IGF1R: variants seen among roughly 807,000 people sequenced by gnomAD.
IGF1R encodes the protein insulin like growth factor 1 receptor, also known as insulin-like growth factor 1 receptor.
A neutral mutation model predicts 144.6 loss-of-function variants in IGF1R; 44 were observed. The ratio of observed to expected loss-of-function variants is 0.30; its 90% confidence interval spans 0.24 to 0.39. The LOEUF is 0.39. Among genes scored for constraint, IGF1R ranks in the 10% least tolerant of loss-of-function variants. IGF1R has a pLI of 1.00. For synonymous variants in IGF1R, 795 were observed against 722.8 expected, an observed-to-expected ratio of 1.10 and a Z score of -1.60; for missense variants, 1,355 against 1,833.7, an observed-to-expected ratio of 0.74 and a Z score of 4.77.
chr15:98,750,734 A>G (rs912668279), intron 2 of IGF1R, among the ~76,000 whole-genome samples: 1 of 152,208 alleles, frequency 6.6e-6, no homozygotes, highest in Non-Finnish European at 1.5e-5. Context: ...AAAACTCAGA[A>G]AAGTAGCCAC....
rs553503567 is a variant in IGF1R at position 98,886,163 on chromosome 15, A to T, written c.641-5162A>T. Among the ~76,000 whole-genome samples, 33 of 149,920 alleles carry T rather than the reference A, an allele frequency of 2.2e-4. No homozygotes were observed. The South Asian group carries it at 5.3e-3, about 24-fold the overall frequency. ...GGTTTCTCTGCACTAATGATTATTT[A>T]AAAAAAAAACTCTGGCAAGAACAAA... is the stretch of plus-strand genomic sequence containing the variant. On this transcript the variant is annotated intron_variant, in intron 2 of 20. Transcript: ENST00000650285.
intron 2 of IGF1R, among the ~76,000 whole-genome samples, chr15:98,763,537 C>CA (rs2055359948): frequency 6.6e-6 from 1 of 151,946 alleles, no homozygotes; most frequent in African/African-American, 2.4e-5. Context: ...TTCACCTCCC[C>CA]ACCCATCTCT....
chr15:98,714,176 A>C (rs903328640), intron 2 of IGF1R, among the ~76,000 whole-genome samples: 1 of 109,494 alleles, frequency 9.1e-6, no homozygotes, highest in African/African-American at 7.7e-5. Flanking sequence ...GGTTGTAGTA[A>C]AAAAAAAAAA....
At chr15:98,840,984 C>G (rs1387440507) in intron 2 of IGF1R, among the ~76,000 whole-genome samples, 10 of 152,150 alleles carry the variant, frequency 6.6e-5, no homozygotes, top group Non-Finnish European at 1.3e-4. Flanking sequence ...CCTGGCCGTC[C>G]AGGCTGGTCT....
chr15:98,833,043 T>C (rs747159619), intron 2 of IGF1R, among the ~76,000 whole-genome samples: 3 of 152,238 alleles, frequency 2.0e-5, no homozygotes, highest in Non-Finnish European at 4.4e-5. Flanking sequence ...TGGTGAGGAC[T>C]ACATTATGGG....
chr15:98,702,677 C>A (rs1473427232), intron 1 of IGF1R, among the ~76,000 whole-genome samples: 2 of 152,146 alleles, frequency 1.3e-5, no homozygotes, highest in African/African-American at 4.8e-5. Context: ...TGGTGGTAAT[C>A]CCAGCACTTC....
intron 2 of IGF1R, among the ~76,000 whole-genome samples, chr15:98,819,150 A>G (rs1197294446): frequency 6.6e-6 from 1 of 151,812 alleles, no homozygotes; most frequent in East Asian, 1.9e-4. Context: ...GGAGTTGAAC[A>G]CAGCAGTGTA....
At chr15:98,690,975 T>C (rs906361124) in intron 1 of IGF1R, among the ~76,000 whole-genome samples, 1 of 152,228 alleles carries the variant, frequency 6.6e-6, no homozygotes, top group South Asian at 2.1e-4. Context: ...ACTTTTTCTT[T>C]TAGAATAGTT....
At chr15:98,660,101 G>A (rs532549490) in intron 1 of IGF1R, 3 of 152,320 alleles carry the variant, frequency 2.0e-5, no homozygotes, top group South Asian at 2.1e-4. Context: ...GTTTCCCCAT[G>A]ATTGCCTTTT....
intron 2 of IGF1R, among the ~76,000 whole-genome samples, chr15:98,851,205 A>G (rs2011515012): frequency 6.6e-6 from 1 of 152,108 alleles, no homozygotes; most frequent in Non-Finnish European, 1.5e-5. Flanking sequence ...GCGGCTGAGG[A>G]ACGGATGCTT....
In IGF1R at chr15:98,867,575, C is replaced by T. The variant is rs1044494481; in HGVS notation, c.641-23750C>T. Among the ~76,000 whole-genome samples the T allele has an allele frequency of 3.9e-5, 6 of 152,196 alleles. No individual in the cohort carries two copies. In the East Asian group the frequency reaches 5.8e-4, roughly 15 times the overall value. On this transcript the variant is annotated intron_variant, in intron 2 of 20. Coordinates refer to ENST00000650285, the MANE Select transcript of IGF1R (RefSeq NM_000875.5). ...TCCTCCCGTTAGGTATCTTTTATGACGTGAATCCTTACCTCTAATTATTAT... is the reference window on the plus strand; with the variant it reads ...TCCTCCCGTTAGGTATCTTTTATGATGTGAATCCTTACCTCTAATTATTAT...
intron 1 of IGF1R, chr15:98,651,066 C>T (rs2052351945): frequency 1.0e-6 from 1 of 985,134 alleles, no homozygotes; most frequent in Non-Finnish European, 1.2e-6. Context: ...GGACTGGGAA[C>T]GGTGAGGGCG....
At chr15:98,756,663 C>G (rs148559417) in intron 2 of IGF1R, among the ~76,000 whole-genome samples, 2 of 152,022 alleles carry the variant, frequency 1.3e-5, no homozygotes, top group African/African-American at 4.8e-5. Context: ...TTTTTATTCA[C>G]TTTTTCCATT....
At chr15:98,955,213 G>A (rs1410732634) in intron 20 of IGF1R, among the ~76,000 whole-genome samples, 1 of 152,190 alleles carries the variant, frequency 6.6e-6, no homozygotes, top group African/African-American at 2.4e-5. Flanking sequence ...GCGTGCACAT[G>A]GCATTCTACC....
chr15:98,685,898 G>A (rs973098556), intron 1 of IGF1R, among the ~76,000 whole-genome samples: 8 of 152,194 alleles, frequency 5.3e-5, no homozygotes, highest in African/African-American at 1.9e-4. Flanking sequence ...AGCTATTGAG[G>A]CTACTTAAAA....
At position 98,935,815 on chromosome 15, in the gene IGF1R, C is replaced by T. The variant is rs1391908534; in HGVS notation, c.3297+389C>T. Among the ~76,000 whole-genome samples the T allele has an allele frequency of 2.6e-5, 4 of 152,184 alleles. No individual in the cohort carries two copies. Among genetic ancestry groups the T allele is most frequent in the African/African-American group, 7.2e-5 (3 of 41,454 alleles). ...CTAACTTCTCGATGCGCTTGACTCA[C>T]ATCCTCGTATGTGTTCTCTCTCGTT... On this transcript the variant is annotated intron_variant, in intron 17 of 20. Transcript: ENST00000650285. This position sits in a 1 kb window ranked among gnomAD's most constrained non-coding sequence, Gnocchi z 4.2.
chr15:98,952,608 G>C (rs2016822843), intron 20 of IGF1R, among the ~76,000 whole-genome samples: 1 of 152,144 alleles, frequency 6.6e-6, no homozygotes, highest in African/African-American at 2.4e-5. Context: ...ATTGTTCTGT[G>C]CTTTCTCTTT....
intron 2 of IGF1R, among the ~76,000 whole-genome samples, chr15:98,853,578 T>C (rs1353459144): frequency 1.3e-5 from 2 of 152,152 alleles, no homozygotes; most frequent in African/African-American, 4.8e-5. Context: ...ATGAAGATGG[T>C]TTGGAATATT....
chr15:98,910,529 A>C (rs1346423362), intron 6 of IGF1R, among the ~76,000 whole-genome samples: 1 of 152,206 alleles, frequency 6.6e-6, no homozygotes, highest in African/African-American at 2.4e-5. Context: ...AAGAGGGCGA[A>C]AGGACAATTC....
Sources: gnomAD v4.1 joint callset for allele counts (sites outside exome capture counted in the v4.1 genomes callset) on GRCh38, gnomAD v4.1.1 for gene constraint, Gnocchi (gnomAD v3.1) non-coding constraint, MANE v1.5 for transcripts, NCBI Gene and HGNC (gene_info 2026-07-23, HGNC 2026-07-21) for gene names.